CSMD3: variants seen among roughly 807,000 people sequenced by gnomAD.
CSMD3 encodes the protein CUB and sushi domain-containing protein 3.
Under a neutral mutation model 435.2 loss-of-function variants are expected in CSMD3, and 177 were observed. The observed-to-expected ratio is 0.41, with a 90% CI of 0.36 to 0.46. The LOEUF is 0.46. Among genes scored for constraint, CSMD3 ranks in the 20% least tolerant of loss-of-function variants. CSMD3 has a pLI of 0.34. For synonymous variants in CSMD3, 1,656 were observed against 1,520.5 expected, an observed-to-expected ratio of 1.09 and a Z score of -2.07; for missense variants, 4,265 against 4,504.6, an observed-to-expected ratio of 0.95 and a Z score of 1.52.
At chr8:112,362,131 C>T (rs1462782289) in intron 38 of CSMD3, among the ~76,000 whole-genome samples, 1 of 151,838 alleles carries the variant, frequency 6.6e-6, no homozygotes, top group Non-Finnish European at 1.5e-5. Flanking sequence ...AGTTTGAAGA[C>T]TTGTAGAAAA....
chr8:112,530,288 T>G (rs1825397226), intron 27 of CSMD3, among the ~76,000 whole-genome samples: 1 of 152,112 alleles, frequency 6.6e-6, no homozygotes, highest in Non-Finnish European at 1.5e-5. Context: ...GAAATGAACA[T>G]CCAGACCCAA....
intron 5 of CSMD3, among the ~76,000 whole-genome samples, chr8:113,028,971 T>C (rs1440960126): frequency 6.6e-6 from 1 of 151,616 alleles, no homozygotes; most frequent in Non-Finnish European, 1.5e-5. Context: ...AAAGAAAATG[T>C]CATGTAGACC....
chr8:113,089,553 T>A (rs1183277221), intron 5 of CSMD3, among the ~76,000 whole-genome samples: 1 of 152,166 alleles, frequency 6.6e-6, no homozygotes, highest in African/African-American at 2.4e-5. Context: ...ACCCTGAAAT[T>A]TTTTATTGCA....
At chr8:112,359,616 A>C (rs559349382) in intron 38 of CSMD3, among the ~76,000 whole-genome samples, 1 of 152,288 alleles carries the variant, frequency 6.6e-6, no homozygotes, top group Non-Finnish European at 1.5e-5. Flanking sequence ...ATCATGCCAA[A>C]CTGGATGACA....
intron 9 of CSMD3, among the ~76,000 whole-genome samples, chr8:112,942,235 T>TA (rs4028274): frequency 3.8e-4 from 54 of 140,730 alleles, no homozygotes; most frequent in Non-Finnish European, 4.2e-4. Flanking sequence ...ATGTTTAGTT[T>TA]AAAAAAAAAA....
chr8:113,204,470 T>C (rs1018520532), intron 3 of CSMD3, among the ~76,000 whole-genome samples: 2 of 152,242 alleles, frequency 1.3e-5, no homozygotes, highest in South Asian at 2.1e-4. Flanking sequence ...AAAAAAGTTA[T>C]ACTAAAATAA....
At chr8:112,406,425 T>A (rs1831865922) in intron 35 of CSMD3, 99 bp downstream of exon 35, 2 of 634,408 alleles carry the variant, frequency 3.2e-6, no homozygotes, top group Non-Finnish European at 2.7e-6. Context: ...TAAAATTAAG[T>A]ACATAATTAT....
intron 3 of CSMD3, among the ~76,000 whole-genome samples, chr8:113,258,410 T>C (rs1179693631): frequency 1.3e-5 from 2 of 152,156 alleles, no homozygotes; most frequent in Non-Finnish European, 2.9e-5. Context: ...AGCAATATAT[T>C]GTTTAGCGGG....
At chr8:112,408,873 A>C (rs1013007685) in intron 33 of CSMD3, 46 bp downstream of exon 33, 5 of 1,612,664 alleles carry the variant, frequency 3.1e-6, no homozygotes, top group Non-Finnish European at 4.2e-6. Context: ...AATCAAAGTC[A>C]GTCTTTAATC....
Position 113,001,344 on chromosome 8 carries a change from T to C in CSMD3, c.1030+17723A>G, listed in dbSNP as rs1351721549. Among the ~76,000 whole-genome samples, 12 of 152,224 alleles carry C rather than the reference T, an allele frequency of 7.9e-5. No individual in the cohort carries two copies. The East Asian group carries it at 2.3e-3, about 29-fold the overall frequency. ...AGATAACTCTCACTTAATCCTGCTATGTTTTAGCCACATGGGCATTTTTAG... is the reference window on the plus strand; with the variant it reads ...AGATAACTCTCACTTAATCCTGCTACGTTTTAGCCACATGGGCATTTTTAG... On this transcript the variant is annotated intron_variant, in intron 6 of 70. Coordinates refer to ENST00000297405, the MANE Select transcript of CSMD3 (RefSeq NM_198123.2).
intron 6 of CSMD3, among the ~76,000 whole-genome samples, chr8:112,996,015 A>G (rs2085639005): frequency 6.6e-6 from 1 of 151,540 alleles, no homozygotes; most frequent in African/African-American, 2.4e-5. Flanking sequence ...TTTACTGTGT[A>G]TAATATGATG....
At chr8:113,347,295 C>A (rs563480989) in intron 1 of CSMD3, among the ~76,000 whole-genome samples, 1 of 152,132 alleles carries the variant, frequency 6.6e-6, no homozygotes, top group East Asian at 1.9e-4. Flanking sequence ...TGTATTGTTA[C>A]CCTACCCATC....
At chr8:112,646,778 G>T (rs1268243172) in intron 19 of CSMD3, among the ~76,000 whole-genome samples, 1 of 152,108 alleles carries the variant, frequency 6.6e-6, no homozygotes, top group African/African-American at 2.4e-5. Flanking sequence ...ACACTGAAGA[G>T]AATGGACTTA....
intron 10 of CSMD3, among the ~76,000 whole-genome samples, chr8:112,881,823 T>C (rs2081456208): frequency 6.6e-6 from 1 of 151,962 alleles, no homozygotes; most frequent in Non-Finnish European, 1.5e-5. Context: ...AGGAGACTAC[T>C]GCTGGGAATT....
At chr8:112,628,774 T>C (rs1362360815) in intron 22 of CSMD3, among the ~76,000 whole-genome samples, 2 of 152,116 alleles carry the variant, frequency 1.3e-5, no homozygotes, top group African/African-American at 2.4e-5. Context: ...CTCATGCAAC[T>C]CATAGGAAAG....
At chr8:112,722,900 T>C (rs1376232420) in intron 13 of CSMD3, among the ~76,000 whole-genome samples, 2 of 152,146 alleles carry the variant, frequency 1.3e-5, no homozygotes, top group Admixed American at 1.3e-4. Flanking sequence ...TCACAAAATA[T>C]GTTGGGTTTT....
At chr8:112,525,222 C>T (rs1022212302) in intron 27 of CSMD3, among the ~76,000 whole-genome samples, 1 of 151,490 alleles carries the variant, frequency 6.6e-6, no homozygotes, top group African/African-American at 2.4e-5. Flanking sequence ...TTTCAGAATA[C>T]ATTTTTGACA....
chr8:112,478,394 T>C (rs1049487905), intron 31 of CSMD3, among the ~76,000 whole-genome samples: 3 of 152,150 alleles, frequency 2.0e-5, no homozygotes. Context: ...ACAAAAATGC[T>C]GGTAGAAATA....
At chr8:113,166,650 C>CTA (rs1439919563) in intron 4 of CSMD3, among the ~76,000 whole-genome samples, 3 of 152,012 alleles carry the variant, frequency 2.0e-5, no homozygotes, top group Non-Finnish European at 4.4e-5. Context: ...AAAACGATGT[C>CTA]TAATACTTGC....
Sources: gnomAD v4.1 joint callset for allele counts (sites outside exome capture counted in the v4.1 genomes callset) on GRCh38, gnomAD v4.1.1 for gene constraint, MANE v1.5 for transcripts, NCBI Gene and HGNC (gene_info 2026-07-23, HGNC 2026-07-21) for gene names.